The following SAE1 variants were observed in gnomAD, a reference collection of about 807,000 sequenced individuals.
SAE1 encodes the protein SUMO1 activating enzyme subunit 1.
SAE1 carries 11 observed loss-of-function variants against 40.6 expected under a neutral mutation model. That is an observed-to-expected ratio of 0.27 (90% CI 0.17 to 0.45). The LOEUF (loss-of-function observed/expected upper bound fraction) is 0.45. Ranked by LOEUF, SAE1 falls within the 20% of genes least tolerant of loss-of-function variation. The probability of loss-of-function intolerance (pLI) is 1.00; values close to 1 mark genes in which losing one functional copy is unlikely to be tolerated. For synonymous variants in SAE1, 155 were observed against 154.3 expected, an observed-to-expected ratio of 1.00 and a Z score of -0.03; for missense variants, 373 against 427.3, an observed-to-expected ratio of 0.87 and a Z score of 1.12.
chr19:47,138,848 TAATC>T (rs1215988295), intron 1 of SAE1, among the ~76,000 whole-genome samples: 12 of 152,166 alleles, frequency 7.9e-5, no homozygotes, highest in Non-Finnish European at 1.6e-4. Flanking sequence ...GACCCCATCT[TAATC>T]AAAACAAAAA....
At chr19:47,179,227 C>T (rs949150311) in intron 6 of SAE1, among the ~76,000 whole-genome samples, 5 of 151,062 alleles carry the variant, frequency 3.3e-5, no homozygotes, top group Admixed American at 6.6e-5. Context: ...AATCTCTAGC[C>T]GGTCGCGATG....
chr19:47,141,975 GATAAGAT>G (rs2058224819), intron 1 of SAE1, among the ~76,000 whole-genome samples: 3 of 152,140 alleles, frequency 2.0e-5, no homozygotes, highest in Admixed American at 2.0e-4. Context: ...AGAGATTTCA[GATAAGAT>G]ATAGTTGACC....
At chr19:47,163,789 C>T (rs1239606945) in intron 5 of SAE1, among the ~76,000 whole-genome samples, 1 of 152,010 alleles carries the variant, frequency 6.6e-6, no homozygotes, top group East Asian at 1.9e-4. Flanking sequence ...AAGTACTGTG[C>T]CATTTATTTA....
intron 6 of SAE1, among the ~76,000 whole-genome samples, chr19:47,190,158 A>G (rs187510995): frequency 2.0e-4 from 30 of 152,288 alleles, no homozygotes; most frequent in Non-Finnish European, 5.9e-5. Flanking sequence ...TCCTGAGTTA[A>G]TTAAAAGGTG....
At chr19:47,180,850 A>G (rs996982192) in intron 6 of SAE1, among the ~76,000 whole-genome samples, 2 of 152,168 alleles carry the variant, frequency 1.3e-5, no homozygotes, top group Admixed American at 6.6e-5. Flanking sequence ...AATGAATTAC[A>G]TAGAGAGACA....
chr19:47,136,353 G>T (rs2058179904), intron 1 of SAE1, among the ~76,000 whole-genome samples: 1 of 151,860 alleles, frequency 6.6e-6, no homozygotes, highest in African/African-American at 2.4e-5. Flanking sequence ...GGCCAGGCTG[G>T]TCTCAAACTC....
chr19:47,144,057 G>A (rs1052592794), intron 2 of SAE1, among the ~76,000 whole-genome samples: 4 of 152,342 alleles, frequency 2.6e-5, no homozygotes, highest in South Asian at 2.1e-4. Context: ...TTTAGGGCTG[G>A]ACGCAGTGGC....
chr19:47,174,031 G>C (rs1445927586), intron 6 of SAE1, among the ~76,000 whole-genome samples: 1 of 151,808 alleles, frequency 6.6e-6, no homozygotes, highest in Non-Finnish European at 1.5e-5. Context: ...TGATCCACCC[G>C]CCTCGGCCTC....
intron 2 of SAE1, among the ~76,000 whole-genome samples, chr19:47,147,823 A>C (rs562784037): frequency 6.8e-6 from 1 of 147,830 alleles, no homozygotes; most frequent in African/African-American, 2.5e-5. Context: ...CAGTGGCGCG[A>C]TCTTGGCTCA....
intron 8 of SAE1, among the ~76,000 whole-genome samples, chr19:47,206,403 T>C (rs2058686939): frequency 6.6e-6 from 1 of 152,232 alleles, no homozygotes; most frequent in Admixed American, 6.5e-5. Flanking sequence ...CTTTCTCTCC[T>C]GAGGCACTGT....
intron 6 of SAE1, among the ~76,000 whole-genome samples, chr19:47,173,667 C>G (rs778278825): frequency 6.6e-6 from 1 of 152,158 alleles, no homozygotes; most frequent in African/African-American, 2.4e-5. Context: ...GTAATATCTC[C>G]CCACCCAGCT....
intron 8 of SAE1, 64 bp from the exon 9 acceptor site, chr19:47,209,095 T>A: frequency 6.5e-7 from 1 of 1,541,400 alleles, no homozygotes; most frequent in African/African-American, 1.4e-5. Context: ...CTTTTAGAAT[T>A]TTTTTTTCCC....
At chr19:47,190,994 C>T (rs187713943) in intron 6 of SAE1, among the ~76,000 whole-genome samples, 7 of 152,236 alleles carry the variant, frequency 4.6e-5, no homozygotes, top group Admixed American at 3.9e-4. Flanking sequence ...TTTTGGATTC[C>T]ATTAGGGTTA....
chr19:47,202,770 C>T (rs1026862736), intron 7 of SAE1, among the ~76,000 whole-genome samples: 4 of 151,770 alleles, frequency 2.6e-5, no homozygotes, highest in African/African-American at 4.8e-5. Context: ...AGTAGCCGGG[C>T]GTGGTGGCGG....
intron 8 of SAE1, among the ~76,000 whole-genome samples, chr19:47,204,121 C>T (rs1434779442): frequency 6.6e-6 from 1 of 151,574 alleles, no homozygotes; most frequent in Non-Finnish European, 1.5e-5. Context: ...AAAGGGACTC[C>T]AGAACCTGTG....
chr19:47,182,492 T>TGC (rs772312425), intron 6 of SAE1, among the ~76,000 whole-genome samples: 28 of 140,396 alleles, frequency 2.0e-4, no homozygotes, highest in African/African-American at 6.2e-4. Context: ...TGTGTGTGTG[T>TGC]GTGTGCGCGC....
chr19:47,198,744 T>C (rs557389206), intron 7 of SAE1, among the ~76,000 whole-genome samples: 1 of 152,204 alleles, frequency 6.6e-6, no homozygotes, highest in Admixed American at 6.6e-5. Context: ...CCCCACTCCA[T>C]TTAGGGCCAG....
rs1159240222 is a variant in SAE1 at position 47,137,730 on chromosome 19, GT to G, written c.99-5748del. 9.0e-4 allele frequency among the ~76,000 whole-genome samples: 96 copies of G among 107,034 alleles called. 1 individual carries two copies. The East Asian group carries it at 0.012, about 13-fold the overall frequency. The allele number at this position is 107,034 out of a possible 152,430, so 70.2% of individuals were successfully genotyped here. A position where few individuals can be genotyped will look rare whatever the true frequency, so the allele number is the denominator to read the frequency against. ...GTGTGTGTGTGTGTGTGTGTGTGTT[GT>G]TTTTTTTTTTTTTTTGTGATGGACT... On this transcript the variant is annotated intron_variant, in intron 1 of 8. Transcript: ENST00000270225.
chr19:47,143,296 G>A (rs1468532405), intron 1 of SAE1, among the ~76,000 whole-genome samples, 198 bp from the exon 2 acceptor site: 1 of 152,054 alleles, frequency 6.6e-6, no homozygotes, highest in South Asian at 2.1e-4. Context: ...GTAGAGACGG[G>A]GTTTCACCGT....
Sources: allele counts gnomAD v4.1 joint callset (sites outside exome capture counted in the v4.1 genomes callset), GRCh38; gene constraint gnomAD v4.1.1; transcripts MANE v1.5; gene names NCBI Gene and HGNC (gene_info 2026-07-23, HGNC 2026-07-21).